RIMS2: variants seen among roughly 807,000 people sequenced by gnomAD.
RIMS2 encodes regulating synaptic membrane exocytosis 2.
In RIMS2, 59 loss-of-function variants were observed where a neutral mutation model predicts 174.4. The observed-to-expected ratio is 0.34, with a 90% CI of 0.27 to 0.42. The LOEUF (loss-of-function observed/expected upper bound fraction) is 0.42, where lower values mean the gene tolerates loss of function less well. Ranked by LOEUF, RIMS2 falls within the 10% of genes least tolerant of loss-of-function variation. The pLI, the probability that RIMS2 is intolerant of heterozygous loss-of-function variation, is 1.00. For missense variants in RIMS2, 1,620 were observed against 1,666.3 expected (o/e 0.97, Z 0.48); for synonymous variants, 606 against 572.5 (o/e 1.06, Z -0.84).
At chr8:103,783,565 AT>A (rs1554822365) in intron 3 of RIMS2, among the ~76,000 whole-genome samples, 1 of 150,996 alleles carries the variant, frequency 6.6e-6, no homozygotes, top group Non-Finnish European at 1.5e-5. Flanking sequence ...ATGATTTCCA[AT>A]TTCATCCATG....
intron 3 of RIMS2, among the ~76,000 whole-genome samples, chr8:103,845,241 A>G (rs562492060): frequency 3.9e-5 from 6 of 152,004 alleles, no homozygotes; most frequent in Non-Finnish European, 8.8e-5. Context: ...TTTTTATATC[A>G]CTTTGTACCA....
chr8:103,823,923 A>G (rs1275926472), intron 3 of RIMS2, among the ~76,000 whole-genome samples: 1 of 152,070 alleles, frequency 6.6e-6, no homozygotes, highest in Admixed American at 6.6e-5. Flanking sequence ...GTACATATAT[A>G]TATACTTTAT....
At chr8:103,612,048 A>T (rs950361750) in intron 1 of RIMS2, among the ~76,000 whole-genome samples, 1 of 151,822 alleles carries the variant, frequency 6.6e-6, no homozygotes, top group African/African-American at 2.4e-5. Flanking sequence ...TTTCTGCCTG[A>T]TCAGTTCTGC....
At chr8:103,570,199 G>A (rs988460150) in intron 1 of RIMS2, among the ~76,000 whole-genome samples, 1 of 151,918 alleles carries the variant, frequency 6.6e-6, no homozygotes, top group African/African-American at 2.4e-5. Flanking sequence ...ATGCTGTTTT[G>A]TTGTTGTAGG....
intron 19 of RIMS2, among the ~76,000 whole-genome samples, chr8:104,174,709 G>A (rs1261548982): frequency 6.6e-6 from 1 of 152,182 alleles, no homozygotes; most frequent in East Asian, 1.9e-4. Flanking sequence ...AAAGAAAGGT[G>A]TTGCGGGGAA....
chr8:104,195,680 A>G (rs2099020777), intron 19 of RIMS2, among the ~76,000 whole-genome samples: 2 of 151,936 alleles, frequency 1.3e-5, no homozygotes, highest in Non-Finnish European at 1.5e-5. Context: ...ATGCCTGGCT[A>G]ATTTTTTGTA....
At chr8:103,894,840 T>C (rs537564745) in intron 4 of RIMS2, among the ~76,000 whole-genome samples, 52 of 151,710 alleles carry the variant, frequency 3.4e-4, no homozygotes, top group Non-Finnish European at 6.6e-4. Flanking sequence ...CTAAAATATT[T>C]GCTATCTGGC....
rs35460743 is a variant in RIMS2 at position 103,825,446 on chromosome 8, A to ATT, written c.698+58926_698+58927dup. On this transcript the variant is annotated intron_variant, in intron 3 of 23. Transcript: ENST00000504942. ...AGGCATGTGCCACAATGGCTAGCTA[A>ATT]TTTTTTTTTTTTTTTTTTGTTAGAG... is the stretch of plus-strand genomic sequence containing the variant. Among the ~76,000 whole-genome samples the ATT allele has an allele frequency of 3.0e-3, 391 of 131,818 alleles. 4 individuals are homozygous for ATT. The highest frequency in any genetic ancestry group is 5.7e-3 in the Admixed American group (73 of 12,748). 86.5% of individuals were successfully genotyped at this position (131,818 alleles called of 152,430 possible). A position where few individuals can be genotyped will look rare whatever the true frequency, so the allele number is the denominator to read the frequency against.
At chr8:103,703,396 C>T (rs971496262) in intron 2 of RIMS2, among the ~76,000 whole-genome samples, 1 of 152,066 alleles carries the variant, frequency 6.6e-6, no homozygotes, top group African/African-American at 2.4e-5. Flanking sequence ...CACCACCATA[C>T]CCAGCTAATT....
chr8:104,124,781 C>A (rs1212185563), intron 19 of RIMS2, among the ~76,000 whole-genome samples: 2 of 152,116 alleles, frequency 1.3e-5, no homozygotes, highest in African/African-American at 4.8e-5. Context: ...GAATTTTCAC[C>A]AAAAGCTTTG....
intron 15 of RIMS2, among the ~76,000 whole-genome samples, chr8:103,972,839 T>G (rs182719482): frequency 7.2e-5 from 11 of 152,226 alleles, no homozygotes; most frequent in African/African-American, 2.7e-4. Flanking sequence ...ATTTTCCTTT[T>G]TCTTGTTCTA....
chr8:103,570,074 G>A (rs960695386), intron 1 of RIMS2, among the ~76,000 whole-genome samples: 4 of 152,104 alleles, frequency 2.6e-5, no homozygotes, highest in Non-Finnish European at 5.9e-5. Context: ...TAAGACTTTT[G>A]TCAAATATCA....
intron 16 of RIMS2, among the ~76,000 whole-genome samples, chr8:103,987,107 C>T (rs962409693): frequency 3.3e-5 from 5 of 151,992 alleles, no homozygotes; most frequent in Admixed American, 3.3e-4. Flanking sequence ...CTGGAACTAA[C>T]ATAACCTTAG....
rs1310691690 is a variant in RIMS2 at position 103,885,183 on chromosome 8, A to G, written c.699-115A>G. ...TGTTACGCTATGCCTTTAAAATGAA[A>G]TTTTAAAAAGGCAAAAGGACTACTT... On this transcript the variant is annotated intron_variant, in intron 3 of 23. Transcript: ENST00000504942. The G allele has an allele frequency of 2.9e-6, 4 of 1,402,552 alleles. No individual in the cohort carries two copies. The African/African-American group carries it at 5.8e-5, about 20-fold the overall frequency. 86.9% of individuals were successfully genotyped at this position (1,402,552 alleles called of 1,614,324 possible).
At chr8:104,010,502 G>C (rs1037107076) in intron 17 of RIMS2, among the ~76,000 whole-genome samples, 1 of 152,054 alleles carries the variant, frequency 6.6e-6, no homozygotes, top group Non-Finnish European at 1.5e-5. Context: ...GTTAACAATA[G>C]TATGTATTGT....
At chr8:104,172,967 A>C in intron 19 of RIMS2, among the ~76,000 whole-genome samples, 1 of 152,178 alleles carries the variant, frequency 6.6e-6, no homozygotes, top group East Asian at 1.9e-4. Flanking sequence ...CCAGTCAAGA[A>C]GTTTGGCTCC....
At chr8:104,214,763 T>G (rs1366823599) in intron 19 of RIMS2, among the ~76,000 whole-genome samples, 2 of 152,126 alleles carry the variant, frequency 1.3e-5, no homozygotes, top group African/African-American at 4.8e-5. Context: ...TAACAGAGTA[T>G]CTTAAGTGGG....
intron 19 of RIMS2, among the ~76,000 whole-genome samples, chr8:104,127,207 T>A (rs543664756): frequency 3.3e-5 from 5 of 152,154 alleles, no homozygotes; most frequent in Non-Finnish European, 7.4e-5. Context: ...TATTCTAAAA[T>A]AAAATACCCT....
intron 3 of RIMS2, among the ~76,000 whole-genome samples, chr8:103,816,822 T>C (rs1277752900): frequency 1.3e-5 from 2 of 152,190 alleles, no homozygotes; most frequent in Non-Finnish European, 2.9e-5. Context: ...TAAGTCTCAT[T>C]CTAGTGTTTC....
Sources: allele counts gnomAD v4.1 joint callset (sites outside exome capture counted in the v4.1 genomes callset), GRCh38; gene constraint gnomAD v4.1.1; transcripts MANE v1.5; gene names NCBI Gene and HGNC (gene_info 2026-07-23, HGNC 2026-07-21).